Variants in POF1B observed in about 807,000 individuals in gnomAD.
The protein encoded by POF1B is protein POF1B.
POF1B carries 53 observed loss-of-function variants against 55.3 expected under a neutral mutation model. The ratio of observed to expected loss-of-function variants is 0.96; its 90% CI spans 0.77 to 1.20. POF1B has a LOEUF of 1.20. Among genes scored for constraint, POF1B ranks in the 50% most tolerant of loss-of-function variants. The probability of loss-of-function intolerance (pLI) is 0.00; values close to 1 mark genes in which losing one functional copy is unlikely to be tolerated. For missense variants in POF1B, 478 were observed against 420.5 expected, an observed-to-expected ratio of 1.14 and a Z score of -1.20; for synonymous variants, 188 against 148.3, an observed-to-expected ratio of 1.27 and a Z score of -1.95.
intron 9 of POF1B, among the ~76,000 whole-genome samples, chrX:85,309,114 T>G (rs1932639801): frequency 9.0e-6 from 1 of 111,634 alleles, no homozygotes; most frequent in Non-Finnish European, 1.9e-5. Context: ...CAATCAGACG[T>G]TGTTTAAGGT....
At chrX:85,289,412 C>T (rs1465078393) in intron 15 of POF1B, among the ~76,000 whole-genome samples, 1 of 112,093 alleles carries the variant, frequency 8.9e-6, no homozygotes, top group Non-Finnish European at 1.9e-5. Context: ...CCCAAGGCTG[C>T]ACGCTCTCAT....
intron 15 of POF1B, among the ~76,000 whole-genome samples, chrX:85,290,205 T>G (rs1228798585): frequency 9.0e-6 from 1 of 111,344 alleles, no homozygotes; most frequent in East Asian, 2.8e-4. Context: ...AGTGAGAAAA[T>G]GCACTATCTG....
chrX:85,344,381 A>G (rs1187637886), intron 6 of POF1B, among the ~76,000 whole-genome samples: 5 of 111,499 alleles, frequency 4.5e-5, no homozygotes, highest in Non-Finnish European at 9.5e-5. Flanking sequence ...TTAATTCCTC[A>G]ACATAGCCTT....
chrX:85,295,014 G>A (rs1175182208), intron 15 of POF1B, among the ~76,000 whole-genome samples: 1 of 111,704 alleles, frequency 9.0e-6, no homozygotes, highest in Admixed American at 9.5e-5. Flanking sequence ...GTGTTATAGA[G>A]GTTTTCATAA....
chrX:85,300,954 A>G (rs777323676), intron 15 of POF1B, among the ~76,000 whole-genome samples: 1 of 112,264 alleles, frequency 8.9e-6, no homozygotes, highest in South Asian at 3.7e-4. Context: ...ACAAATTGCA[A>G]AGAAGGTCCG....
At chrX:85,316,189 A>G (rs1431147135) in intron 7 of POF1B, among the ~76,000 whole-genome samples, 1 of 111,749 alleles carries the variant, frequency 8.9e-6, no homozygotes, top group Non-Finnish European at 1.9e-5. Flanking sequence ...CTCTTTAACA[A>G]AATCAAAGCT....
chrX:85,366,008 C>A (rs1371806223), intron 3 of POF1B, among the ~76,000 whole-genome samples: 2 of 111,154 alleles, frequency 1.8e-5, no homozygotes, highest in African/African-American at 3.3e-5. Flanking sequence ...TCTTATATAT[C>A]AATGAGAACA....
chrX:85,310,563 G>C (rs755521276), intron 9 of POF1B, among the ~76,000 whole-genome samples: 105 of 112,039 alleles, frequency 9.4e-4, no homozygotes, highest in South Asian at 4.4e-3. Context: ...GAAACAAATA[G>C]ATTAGAAAAA....
At chrX:85,350,956 G>A (rs12689698) in intron 5 of POF1B, among the ~76,000 whole-genome samples, 13,403 of 111,019 alleles carry the variant, frequency 0.12, 767 homozygotes, top group East Asian at 0.2. Flanking sequence ...ATATCTGTTC[G>A]TATGTATTGT....
At chrX:85,326,365 C>T (rs1488786739) in intron 7 of POF1B, among the ~76,000 whole-genome samples, 1 of 110,098 alleles carries the variant, frequency 9.1e-6, no homozygotes, top group African/African-American at 3.3e-5. Context: ...ACTGGTAGCA[C>T]TGGACTGTGC....
chrX:85,359,623 T>G lies in POF1B; in HGVS notation c.365A>C (p.His122Pro). The G allele has an allele frequency of 2.5e-6, 3 of 1,187,825 alleles. No homozygotes were observed. Among genetic ancestry groups the G allele is most frequent in the Non-Finnish European group, 3.4e-6 (3 of 878,309 alleles). ...HITQNTEQEL[H>P]SPTVKLTTYP... Reference sequence around the variant, plus strand: ...TGTAGTAAGTTTCACTGTTGGAGAATGAAGTTCCTGTGAAGAAAAGACAAA... The same window carrying G: ...TGTAGTAAGTTTCACTGTTGGAGAAGGAAGTTCCTGTGAAGAAAAGACAAA... The change falls in exon 4 of 17, where the codon CAT (histidine) becomes CCT (proline). Residue 122 changes from histidine (H) to proline (P), a missense_variant. By Grantham distance (77) the His-to-Pro change is moderately conservative. Transcript: ENST00000262753.
At chrX:85,362,074 T>C (rs1334308664) in intron 3 of POF1B, among the ~76,000 whole-genome samples, 1 of 110,172 alleles carries the variant, frequency 9.1e-6, no homozygotes, top group Non-Finnish European at 1.9e-5. Flanking sequence ...AGAATGTTAG[T>C]GATTTTGCAC....
At chrX:85,283,107 A>G (rs1931945735) in intron 15 of POF1B, among the ~76,000 whole-genome samples, 1 of 111,656 alleles carries the variant, frequency 9.0e-6, no homozygotes, top group Non-Finnish European at 1.9e-5. Flanking sequence ...TTTCCAAATA[A>G]TTTCATCTCA....
At chrX:85,332,466 G>T (rs1020092851) in intron 6 of POF1B, among the ~76,000 whole-genome samples, 1 of 110,760 alleles carries the variant, frequency 9.0e-6, no homozygotes, top group Non-Finnish European at 1.9e-5. Context: ...AAAACGCACT[G>T]CCTGGAGGAT....
At chrX:85,357,515 G>A (rs1247415151) in intron 4 of POF1B, among the ~76,000 whole-genome samples, 5 of 110,519 alleles carry the variant, frequency 4.5e-5, no homozygotes, top group Non-Finnish European at 9.5e-5. Flanking sequence ...GCCTCCATAA[G>A]TATACCAAAA....
In POF1B at chrX:85,314,468, T is replaced by C. The variant is rs761564174; in HGVS notation, c.921A>G (p.Ser307=). The C allele has an allele frequency of 8.3e-6, 10 of 1,200,176 alleles. No homozygotes were observed. Among genetic ancestry groups the C allele is most frequent in the Non-Finnish European group, 1.1e-5 (10 of 889,775 alleles). Residue 307 remains serine (S), a synonymous_variant, in exon 9 of 17, where the codon TCA becomes TCG. Coordinates refer to ENST00000262753, the MANE Select transcript of POF1B (RefSeq NM_024921.4). ...DIESLIPKGL[S]EFTKQQIRYI... is the part of the protein sequence containing the mutation. ...AGCGTATTTGCTGTTTTGTAAACTC[T>C]GATAATCCTTTAGGAATCAATGATT...
At chrX:85,325,506 G>A (rs1932887570) in intron 7 of POF1B, among the ~76,000 whole-genome samples, 2 of 111,992 alleles carry the variant, frequency 1.8e-5, no homozygotes, top group African/African-American at 6.5e-5. Context: ...CTTATAGCGT[G>A]TTTTTCAGCT....
chrX:85,343,701 A>G (rs1933218894), intron 6 of POF1B, among the ~76,000 whole-genome samples: 1 of 111,078 alleles, frequency 9.0e-6, no homozygotes, highest in African/African-American at 3.3e-5. Context: ...CTTGAGAGGA[A>G]CAGAGTTAAG....
At chrX:85,335,657 C>G (rs1006952035) in intron 6 of POF1B, among the ~76,000 whole-genome samples, 1 of 110,521 alleles carries the variant, frequency 9.0e-6, no homozygotes, top group African/African-American at 3.3e-5. Flanking sequence ...AGAAATGATG[C>G]TACCTAGTGC....
Sources: allele counts gnomAD v4.1 joint callset (sites outside exome capture counted in the v4.1 genomes callset), GRCh38; gene constraint gnomAD v4.1.1; transcripts MANE v1.5; gene names NCBI Gene and HGNC (gene_info 2026-07-23, HGNC 2026-07-21).